The following GNAQ variants were observed in gnomAD, a reference collection of about 807,000 sequenced individuals.
GNAQ encodes guanine nucleotide-binding protein G(q) subunit alpha.
A neutral mutation model predicts 43.9 loss-of-function variants in GNAQ; 8 were observed. The ratio of observed to expected loss-of-function variants is 0.18; its 90% confidence interval spans 0.11 to 0.33. The LOEUF (loss-of-function observed/expected upper bound fraction) is 0.33. Ranked by LOEUF, GNAQ falls within the 10% of genes least tolerant of loss-of-function variation. The pLI is 1.00. For missense variants in GNAQ, 158 were observed against 450.8 expected (o/e 0.35, Z 5.88); for synonymous variants, 155 against 170.7 (o/e 0.91, Z 0.71).
chr9:77,993,606 G>A (rs1177373576), intron 1 of GNAQ, among the ~76,000 whole-genome samples: 1 of 152,036 alleles, frequency 6.6e-6, no homozygotes, highest in Non-Finnish European at 1.5e-5. Context: ...GGAGGCTGAG[G>A]CAGGAGAATT....
At chr9:77,802,957 T>A (rs2118476043) in intron 3 of GNAQ, among the ~76,000 whole-genome samples, 1 of 152,248 alleles carries the variant, frequency 6.6e-6, no homozygotes, top group South Asian at 2.1e-4. Context: ...CCGAGCTCAA[T>A]ATTCTTCCAC....
chr9:77,838,135 T>TG, intron 2 of GNAQ, among the ~76,000 whole-genome samples: 1 of 139,696 alleles, frequency 7.2e-6, no homozygotes, highest in Non-Finnish European at 1.5e-5. Context: ...CAGGCATTAA[T>TG]GATTTTTTTT....
At chr9:77,783,016 CAG>C in intron 5 of GNAQ, among the ~76,000 whole-genome samples, 1 of 152,320 alleles carries the variant, frequency 6.6e-6, no homozygotes, top group East Asian at 1.9e-4. Context: ...AGGCAGAGTA[CAG>C]AGCATTTTTA....
intron 2 of GNAQ, among the ~76,000 whole-genome samples, chr9:77,858,731 C>G (rs1827797648): frequency 6.6e-6 from 1 of 151,908 alleles, no homozygotes; most frequent in Admixed American, 6.6e-5. Flanking sequence ...CAATCATCTG[C>G]CAGAATTCCA....
intron 1 of GNAQ, among the ~76,000 whole-genome samples, chr9:77,997,022 C>T (rs1823577991): frequency 6.6e-6 from 1 of 152,206 alleles, no homozygotes; most frequent in African/African-American, 2.4e-5. Context: ...TTCTTTGTAA[C>T]AATCACTGTG....
In GNAQ at chr9:77,725,885, T is replaced by C. The variant is rs573561764; in HGVS notation, c.889+2629A>G. The stretch of plus-strand genomic sequence containing the variant: ...TCCGTGGGCACCATGCTCTATCTGT[T>C]CTGCATCCTCCCTTATGCAAGCACA... On this transcript the variant is annotated intron_variant, in intron 6 of 6. Transcript: ENST00000286548. Among the ~76,000 whole-genome samples, 39 of 152,304 alleles carry C rather than the reference T, an allele frequency of 2.6e-4. No individual in the cohort carries two copies. In the South Asian group the frequency reaches 7.9e-3, roughly 31 times the overall value.
At chr9:78,023,477 G>A (rs1056070508) in intron 1 of GNAQ, among the ~76,000 whole-genome samples, 3 of 152,026 alleles carry the variant, frequency 2.0e-5, no homozygotes, top group Non-Finnish European at 4.4e-5. Context: ...TGAAAGGGAT[G>A]GGTAGGGGGG....
intron 1 of GNAQ, among the ~76,000 whole-genome samples, chr9:77,984,685 C>A (rs1182695051): frequency 6.6e-6 from 1 of 152,136 alleles, no homozygotes; most frequent in Non-Finnish European, 1.5e-5. Flanking sequence ...CAAAAACCTG[C>A]AGTTTTAAGA....
At chr9:77,880,536 C>T (rs144330806) in intron 2 of GNAQ, among the ~76,000 whole-genome samples, 2 of 149,736 alleles carry the variant, frequency 1.3e-5, no homozygotes, top group Admixed American at 6.7e-5. Context: ...ATGTGCCCCA[C>T]ACCTGGATGA....
chr9:77,986,068 G>C (rs981782441), intron 1 of GNAQ, among the ~76,000 whole-genome samples: 27 of 152,016 alleles, frequency 1.8e-4, no homozygotes, highest in Non-Finnish European at 4.0e-4. Flanking sequence ...CTTCTTCCTA[G>C]AATGTCCTAG....
At chr9:77,748,777 T>G (rs1434735193) in intron 5 of GNAQ, among the ~76,000 whole-genome samples, 1 of 152,194 alleles carries the variant, frequency 6.6e-6, no homozygotes, top group Non-Finnish European at 1.5e-5. Context: ...GTTTAATAAA[T>G]TACAAAGTAA....
intron 5 of GNAQ, among the ~76,000 whole-genome samples, chr9:77,757,721 T>A (rs1407481083): frequency 6.6e-6 from 1 of 152,214 alleles, no homozygotes; most frequent in African/African-American, 2.4e-5. Flanking sequence ...TGGCTTCCAA[T>A]AGCTATGTAA....
At chr9:77,972,290 G>A (rs1823245832) in intron 1 of GNAQ, among the ~76,000 whole-genome samples, 1 of 152,116 alleles carries the variant, frequency 6.6e-6, no homozygotes, top group Non-Finnish European at 1.5e-5. Context: ...TATTAATCGT[G>A]CACGCACCAT....
chr9:77,926,930 TA>T (rs1385043440), intron 1 of GNAQ, among the ~76,000 whole-genome samples: 2 of 152,198 alleles, frequency 1.3e-5, no homozygotes, highest in Non-Finnish European at 2.9e-5. Context: ...CCCTATTCGC[TA>T]GATCAGGATA....
chr9:77,825,021 A>G (rs981275096), intron 2 of GNAQ, among the ~76,000 whole-genome samples: 3 of 152,204 alleles, frequency 2.0e-5, no homozygotes, highest in African/African-American at 7.2e-5. Context: ...AGTCTTCTGA[A>G]AATAACAGCG....
At chr9:77,959,120 A>G (rs1823077119) in intron 1 of GNAQ, among the ~76,000 whole-genome samples, 2 of 152,154 alleles carry the variant, frequency 1.3e-5, no homozygotes, top group Admixed American at 1.3e-4. Context: ...CCCAGAGTTC[A>G]ATATTTAGTA....
At chr9:77,822,934 T>G (rs958324514) in intron 2 of GNAQ, among the ~76,000 whole-genome samples, 7 of 139,864 alleles carry the variant, frequency 5.0e-5, no homozygotes, top group African/African-American at 8.3e-5. Context: ...TTAGAAGTTG[T>G]TTTTTTTTTT....
At chr9:77,745,554 A>G (rs1825715841) in intron 5 of GNAQ, among the ~76,000 whole-genome samples, 4 of 152,010 alleles carry the variant, frequency 2.6e-5, no homozygotes. Context: ...GAGAATAAAA[A>G]GATCTCTTAG....
At chr9:77,857,156 T>C (rs1372426315) in intron 2 of GNAQ, among the ~76,000 whole-genome samples, 1 of 152,204 alleles carries the variant, frequency 6.6e-6, no homozygotes, top group Non-Finnish European at 1.5e-5. Flanking sequence ...AAGGCTCAAG[T>C]GGGTGAAAAA....
Sources: allele counts gnomAD v4.1 joint callset (sites outside exome capture counted in the v4.1 genomes callset), GRCh38; gene constraint gnomAD v4.1.1; transcripts MANE v1.5; gene names NCBI Gene and HGNC (gene_info 2026-07-23, HGNC 2026-07-21).